Variants in SCARB2 observed in about 807,000 individuals in gnomAD.
SCARB2 encodes lysosome membrane protein 2.
SCARB2 carries 29 observed loss-of-function variants against 58.6 expected under a neutral mutation model. The ratio of observed to expected loss-of-function variants is 0.49; its 90% CI spans 0.37 to 0.67. SCARB2 has a LOEUF of 0.67. SCARB2 is among the 30% of genes least tolerant of loss of function. The pLI is 0.00. For missense variants in SCARB2, 488 were observed against 578.5 expected, an observed-to-expected ratio of 0.84 and a Z score of 1.60; for synonymous variants, 195 against 210.1, an observed-to-expected ratio of 0.93 and a Z score of 0.62.
At position 76,203,483 on chromosome 4, in the gene SCARB2, T is replaced by A. The variant is rs537900469; in HGVS notation, c.118-7619A>T. Among the ~76,000 whole-genome samples the A allele has an allele frequency of 3.9e-5, 6 of 152,362 alleles. No individual in the cohort carries two copies. In the South Asian group the frequency reaches 8.3e-4, roughly 21 times the overall value. ...CTTCCTCAGTAGTGGCAAAATAGCA[T>A]CTTCTTGTTTGAACTTGCATTTCTT... On this transcript the variant is annotated intron_variant, in intron 1 of 11. Coordinates refer to ENST00000264896, the MANE Select transcript of SCARB2 (RefSeq NM_005506.4).
At chr4:76,168,588 T>C (rs1732063831) in intron 8 of SCARB2, 112 bp from the exon 9 acceptor site, 1 of 849,924 alleles carries the variant, frequency 1.2e-6, no homozygotes, top group Non-Finnish European at 2.0e-6. Context: ...ACCATTACCA[T>C]GTGTGACAGG....
intron 1 of SCARB2, among the ~76,000 whole-genome samples, chr4:76,207,560 C>T (rs1732953207): frequency 6.6e-6 from 1 of 152,202 alleles, no homozygotes; most frequent in Non-Finnish European, 1.5e-5. Context: ...AGAAAGCAAA[C>T]ACCTAAAGTG....
At chr4:76,219,363 G>A (rs1397207492) in intron 1 of SCARB2, among the ~76,000 whole-genome samples, 1 of 152,180 alleles carries the variant, frequency 6.6e-6, no homozygotes, top group Non-Finnish European at 1.5e-5. Context: ...GACGTGAAAT[G>A]TATTCTAGTC....
chr4:76,233,929 G>GT, intron 1 of SCARB2, among the ~76,000 whole-genome samples: 1 of 152,338 alleles, frequency 6.6e-6, no homozygotes, highest in East Asian at 1.9e-4. Context: ...TACTGATGGG[G>GT]TGAAGAAGAG....
intron 5 of SCARB2, 125 bp downstream of exon 5, chr4:76,176,311 CT>C (rs1732250475): frequency 1.5e-6 from 1 of 659,790 alleles, no homozygotes; most frequent in African/African-American, 1.8e-5. Context: ...AATTACAAGA[CT>C]ATTTACATGT....
In SCARB2 at chr4:76,208,335, C is replaced by T. The variant is rs748064121; in HGVS notation, c.117+5092G>A. 8.5e-5 allele frequency among the ~76,000 whole-genome samples: 13 copies of T among 152,282 alleles called. No homozygotes were observed. In the East Asian group the frequency reaches 2.5e-3, roughly 29 times the overall value. On this transcript the variant is annotated intron_variant, in intron 1 of 11. Coordinates refer to ENST00000264896, the MANE Select transcript of SCARB2 (RefSeq NM_005506.4). ...ATCACAAGATCGTGTTTCTAAAAGCCAGGAAAGAATTTGGATAATTTTGCT... is the reference window on the plus strand; with the variant it reads ...ATCACAAGATCGTGTTTCTAAAAGCTAGGAAAGAATTTGGATAATTTTGCT...
At chr4:76,171,169 C>T (rs1273724733) in intron 7 of SCARB2, among the ~76,000 whole-genome samples, 1 of 152,100 alleles carries the variant, frequency 6.6e-6, no homozygotes, top group African/African-American at 2.4e-5. Flanking sequence ...CATGCACATG[C>T]ATTTTGCTGT....
In SCARB2 at chr4:76,222,773, A is replaced by G. The variant is rs117731634; in HGVS notation, c.-358+11530T>C. On this transcript the variant is annotated intron_variant, in intron 1 of 11. Coordinates refer to the SCARB2 transcript ENST00000638295. ...CCAAGCTCTGTTCTAAGGACTTCAC[A>G]TCTATTAATTTTTCAAAGGTCTGGG... Among the ~76,000 whole-genome samples, 178 of 152,282 alleles carry G rather than the reference A, an allele frequency of 1.2e-3. 1 individual carries two copies. The East Asian group carries it at 0.019, about 16-fold the overall frequency.
chr4:76,174,355 C>A lies in SCARB2; in HGVS notation c.825-42G>T. ...ATAAAAAGTGAATGTGGACTCTGGTCAGTGTAATCTGCCCGAAATCCGCAA... is the reference window on the plus strand; with the variant it reads ...ATAAAAAGTGAATGTGGACTCTGGTAAGTGTAATCTGCCCGAAATCCGCAA... On this transcript the variant is annotated intron_variant, in intron 6 of 11. Coordinates refer to ENST00000264896, the MANE Select transcript of SCARB2 (RefSeq NM_005506.4). The A allele has an allele frequency of 1.9e-6, 3 of 1,597,662 alleles. No homozygotes were observed. In the South Asian group the frequency reaches 3.3e-5, roughly 18 times the overall value.
At chr4:76,203,482 ATCT>A in intron 1 of SCARB2, among the ~76,000 whole-genome samples, 1 of 152,258 alleles carries the variant, frequency 6.6e-6, no homozygotes, top group South Asian at 2.1e-4. Flanking sequence ...GCAAAATAGC[ATCT>A]TCTTGTTTGA....
intron 1 of SCARB2, among the ~76,000 whole-genome samples, chr4:76,229,001 C>T (rs1431980827): frequency 6.6e-6 from 1 of 152,130 alleles, no homozygotes; most frequent in African/African-American, 2.4e-5. Flanking sequence ...TAACATAATC[C>T]CTAATTTCAT....
At chr4:76,201,896 T>C (rs954750488) in intron 1 of SCARB2, among the ~76,000 whole-genome samples, 27 of 152,210 alleles carry the variant, frequency 1.8e-4, no homozygotes, top group Non-Finnish European at 2.9e-4. Context: ...TGAAACTCTT[T>C]CATTCTTTCC....
chr4:76,163,947 G>GA (rs1415060783), intron 10 of SCARB2: 1 of 157,576 alleles, frequency 6.3e-6, no homozygotes, highest in Non-Finnish European at 1.4e-5. Context: ...ATAAATAAAT[G>GA]AAACACTGCA....
chr4:76,208,756 T>C (rs544857437), intron 1 of SCARB2, among the ~76,000 whole-genome samples: 18 of 152,326 alleles, frequency 1.2e-4, no homozygotes, highest in African/African-American at 4.1e-4. Context: ...AAGAATCCTC[T>C]CTTGCCAGAG....
upstream of SCARB2, among the ~76,000 whole-genome samples, chr4:76,216,431 G>A (rs886072072): frequency 1.3e-5 from 2 of 152,042 alleles, no homozygotes; most frequent in Non-Finnish European, 2.9e-5. Flanking sequence ...TCTGTTTGCG[G>A]GCTCCATTCT....
At chr4:76,222,685 T>C (rs983760279) in intron 1 of SCARB2, among the ~76,000 whole-genome samples, 1 of 152,242 alleles carries the variant, frequency 6.6e-6, no homozygotes, top group Non-Finnish European at 1.5e-5. Context: ...CTTGTCACTG[T>C]TGAAGTTCTC....
upstream of SCARB2, among the ~76,000 whole-genome samples, chr4:76,215,794 C>T (rs902766928): frequency 3.3e-5 from 5 of 152,120 alleles, no homozygotes; most frequent in Non-Finnish European, 5.9e-5. Context: ...AAATGTCCCA[C>T]CAGTCCCCAG....
chr4:76,171,838 AT>A (rs1308448799), intron 7 of SCARB2, among the ~76,000 whole-genome samples: 3 of 152,158 alleles, frequency 2.0e-5, no homozygotes, highest in African/African-American at 7.2e-5. Flanking sequence ...CCCTTGCACA[AT>A]GGTCCCCAAA....
intron 1 of SCARB2, among the ~76,000 whole-genome samples, chr4:76,210,141 G>A (rs13111888): frequency 0.15 from 23,241 of 152,198 alleles, 2,158 homozygotes; most frequent in East Asian, 0.28. Flanking sequence ...GGCATTGTGC[G>A]AGGCATTGTG....
Sources: allele counts gnomAD v4.1 joint callset (sites outside exome capture counted in the v4.1 genomes callset), GRCh38; gene constraint gnomAD v4.1.1; transcripts MANE v1.5; gene names NCBI Gene and HGNC (gene_info 2026-07-23, HGNC 2026-07-21).